The following SMARCA4 variants were observed in gnomAD, a reference collection of about 807,000 sequenced individuals.
SMARCA4 encodes the protein SWI/SNF-related matrix-associated actin-dependent regulator of chromatin subfamily A member 4.
Under a neutral mutation model 193.9 loss-of-function variants are expected in SMARCA4, and 31 were observed. That is an observed-to-expected ratio of 0.16 (90% confidence interval 0.12 to 0.22). The LOEUF (loss-of-function observed/expected upper bound fraction) is 0.22, where lower values mean the gene tolerates loss of function less well. SMARCA4 is among the 10% of genes least tolerant of loss of function. SMARCA4 has a pLI of 1.00. For synonymous variants in SMARCA4, 942 were observed against 933.1 expected (o/e 1.01, Z -0.17); for missense variants, 1,148 against 2,296.0 (o/e 0.50, Z 10.22).
intron 20 of SMARCA4, among the ~76,000 whole-genome samples, 172 bp from the exon 21 acceptor site, chr19:11,024,159 T>C (rs2090078296): frequency 6.6e-6 from 1 of 152,174 alleles, no homozygotes; most frequent in Admixed American, 6.5e-5. Flanking sequence ...TTCCTCTCAT[T>C]GCCCAGGTCT....
chr19:11,017,877 G>A (rs749386935), intron 16 of SMARCA4, among the ~76,000 whole-genome samples: 17 of 152,342 alleles, frequency 1.1e-4, no homozygotes, highest in East Asian at 1.9e-4. Context: ...GTTGCAGGAC[G>A]GCTGCACTGC....
chr19:11,032,545 A>T (rs2074996322), intron 25 of SMARCA4: 1 of 152,686 alleles, frequency 6.5e-6, no homozygotes, highest in African/African-American at 2.4e-5. Context: ...GCATGCCTGT[A>T]GCCCCAGCTA....
rs766336694 is a variant in SMARCA4 at position 11,027,772 on chromosome 19, T to C, written c.3216-12T>C. 2.5e-6 allele frequency: 4 copies of C among 1,613,806 alleles called. No individual in the cohort carries two copies. The East Asian group carries it at 8.9e-5, about 36-fold the overall frequency. On this transcript the variant is annotated splice_polypyrimidine_tract_variant and intron_variant, in intron 23 of 34. Transcript: ENST00000344626. ...ATCCTGCGCCTTCTCTCCTGCCTCC[T>C]CCACACTCCAGGCTGGACCTGTACC...
chr19:11,046,828 C>T (rs1301243152), intron 30 of SMARCA4, among the ~76,000 whole-genome samples: 2 of 151,864 alleles, frequency 1.3e-5, no homozygotes, highest in Admixed American at 6.6e-5. Flanking sequence ...TGGTGGTGCA[C>T]TCCTGTTGAC....
chr19:11,008,398 G>A (rs984503962), intron 14 of SMARCA4: 4 of 351,452 alleles, frequency 1.1e-5, no homozygotes, highest in East Asian at 1.5e-4. Context: ...GCATATTTTT[G>A]TCTTCATTTG....
At chr19:11,023,673 C>A (rs375808976) in intron 20 of SMARCA4, 42 bp downstream of exon 20, 1 of 1,236,312 alleles carries the variant, frequency 8.1e-7, no homozygotes, top group Non-Finnish European at 1.2e-6. Context: ...AGCAGCCTCA[C>A]GTGGGGGCTT....
At chr19:11,052,858 T>C (rs539388538) in intron 30 of SMARCA4, among the ~76,000 whole-genome samples, 1 of 152,316 alleles carries the variant, frequency 6.6e-6, no homozygotes, top group South Asian at 2.1e-4. Context: ...CACTGGGAAA[T>C]GCTCTGGGTG....
intron 15 of SMARCA4, chr19:11,010,911 C>T: frequency 2.9e-6 from 1 of 347,472 alleles, no homozygotes; most frequent in Non-Finnish European, 5.7e-6. Flanking sequence ...ATCTGGGCAT[C>T]TGCATGCTCA....
Position 11,004,579 on chromosome 19 carries a change from T to C in SMARCA4, c.2001+1182T>C, listed in dbSNP as rs550604042. Among the ~76,000 whole-genome samples the C allele has an allele frequency of 2.0e-5, 3 of 152,316 alleles. No individual in the cohort carries two copies. In the South Asian group the frequency reaches 6.2e-4, roughly 32 times the overall value. On this transcript the variant is annotated intron_variant, in intron 13 of 34. Transcript: ENST00000344626. ...TTCTGTGTTAGTCACTCTAACCCTCTTATGATTATTGTTCACATGGTACAT... is the reference window on the plus strand; with the variant it reads ...TTCTGTGTTAGTCACTCTAACCCTCCTATGATTATTGTTCACATGGTACAT...
At chr19:10,999,185 C>T (rs2087383808) in intron 11 of SMARCA4, among the ~76,000 whole-genome samples, 1 of 151,324 alleles carries the variant, frequency 6.6e-6, no homozygotes, top group South Asian at 2.1e-4. Context: ...GGATTACAGA[C>T]ATGAGCCACT....
intron 25 of SMARCA4, chr19:11,032,362 T>TA: frequency 6.6e-6 from 1 of 152,002 alleles, no homozygotes; most frequent in East Asian, 1.9e-4. Flanking sequence ...TGTGCTGGGG[T>TA]GATGATAAAA....
In SMARCA4 at chr19:10,984,047, T is replaced by C; in HGVS notation, c.-31-74T>C. The C allele has an allele frequency of 8.8e-7, 1 of 1,134,792 alleles. No individual in the cohort carries two copies. The highest frequency in any genetic ancestry group is 1.3e-6 in the Non-Finnish European group (1 of 757,110). The allele number at this position is 1,134,792 out of a possible 1,614,324, so 70.3% of individuals were successfully genotyped here. A position where few individuals can be genotyped will look rare whatever the true frequency, so the allele number is the denominator to read the frequency against. On this transcript the variant is annotated intron_variant, in intron 1 of 34. Transcript: ENST00000344626. This position sits in a 1 kb window ranked among gnomAD's most constrained non-coding sequence, Gnocchi z 4.3. The stretch of plus-strand genomic sequence containing the variant: ...GGATGTAGATTCTGATGTGACCGTA[T>C]GATTGTCCCTTGCTATCCCTGTCCT...
At chr19:11,018,493 G>A (rs1343160560) in intron 16 of SMARCA4, among the ~76,000 whole-genome samples, 6 of 152,142 alleles carry the variant, frequency 3.9e-5, no homozygotes, top group South Asian at 4.1e-4. Flanking sequence ...CACTGTCCTC[G>A]TTCTCTCTCA....
intron 1 of SMARCA4, among the ~76,000 whole-genome samples, chr19:10,977,069 T>C (rs1169618769): frequency 2.0e-5 from 3 of 152,078 alleles, no homozygotes; most frequent in African/African-American, 4.8e-5. Flanking sequence ...AACAAATAAA[T>C]AAACAAATAA....
In SMARCA4 at chr19:11,031,506, C is replaced by T. The variant is rs149184478; in HGVS notation, c.3546+613C>T. On this transcript the variant is annotated intron_variant, in intron 25 of 34. Transcript: ENST00000344626. The surrounding 1 kb of genome is among the most constrained non-coding windows in gnomAD (Gnocchi z 4.3). ...AGTCCCTTTTCCCTTCCTCTCCAACCGTGCTCTCTTCTGAGCCTCTGCCAG... is the reference window on the plus strand; with the variant it reads ...AGTCCCTTTTCCCTTCCTCTCCAACTGTGCTCTCTTCTGAGCCTCTGCCAG... 1 of 165,158 alleles carries T rather than the reference C, an allele frequency of 6.1e-6. No homozygotes were observed. The highest frequency in any genetic ancestry group is 2.4e-5 in the African/African-American group (1 of 41,634). 10.2% of individuals were successfully genotyped at this position (165,158 alleles called of 1,614,324 possible). A position where few individuals can be genotyped will look rare whatever the true frequency, so the allele number is the denominator to read the frequency against.
intron 1 of SMARCA4, among the ~76,000 whole-genome samples, chr19:10,973,834 T>G (rs919108949): frequency 1.3e-5 from 2 of 152,014 alleles, no homozygotes; most frequent in African/African-American, 4.8e-5. Flanking sequence ...CCTCCCAAAG[T>G]GCTGGGATTA....
intron 19 of SMARCA4, among the ~76,000 whole-genome samples, chr19:11,022,778 G>A (rs1043498604): frequency 3.9e-5 from 6 of 152,096 alleles, no homozygotes; most frequent in African/African-American, 7.2e-5. Flanking sequence ...TTCTGATGGC[G>A]AAACCGAGGC....
In SMARCA4 at chr19:11,060,288, G is replaced by C. The variant is rs554500366; in HGVS notation, c.4911+101G>C. Reference sequence around the variant, plus strand: ...TGGGGCGGTGCTCCCACGCCCCCACGCTGCAGGTGGGAAAGCTGAGGCTTG... The same window carrying C: ...TGGGGCGGTGCTCCCACGCCCCCACCCTGCAGGTGGGAAAGCTGAGGCTTG... On this transcript the variant is annotated intron_variant, in intron 34 of 34. Coordinates refer to ENST00000344626, the MANE Select transcript of SMARCA4 (RefSeq NM_003072.5). 2.1e-4 allele frequency: 291 copies of C among 1,394,094 alleles called. 2 individuals carry two copies. The highest frequency in any genetic ancestry group is 8.1e-4 in the Admixed American group (41 of 50,680). The allele number at this position is 1,394,094 out of a possible 1,614,324, so 86.4% of individuals were successfully genotyped here.
intron 13 of SMARCA4, among the ~76,000 whole-genome samples, chr19:11,003,804 C>T (rs547492490): frequency 5.3e-5 from 8 of 151,626 alleles, no homozygotes; most frequent in South Asian, 2.1e-4. Flanking sequence ...CTCCACCTCC[C>T]GGGTTCAAGC....
Sources: gnomAD v4.1 joint callset for allele counts (sites outside exome capture counted in the v4.1 genomes callset) on GRCh38, gnomAD v4.1.1 for gene constraint, Gnocchi (gnomAD v3.1) non-coding constraint, MANE v1.5 for transcripts, NCBI Gene and HGNC (gene_info 2026-07-23, HGNC 2026-07-21) for gene names.